CASP1: variants seen among roughly 807,000 people sequenced by gnomAD.
CASP1 encodes the protein caspase 1.
A neutral mutation model predicts 41.2 loss-of-function variants in CASP1; 31 were observed. The ratio of observed to expected loss-of-function variants is 0.75; its 90% CI spans 0.57 to 1.02. The LOEUF (loss-of-function observed/expected upper bound fraction) is 1.02. Ranked by LOEUF, CASP1 falls within the 50% of genes least tolerant of loss-of-function variation. The probability of loss-of-function intolerance (pLI) is 0.00; values close to 1 mark genes in which losing one functional copy is unlikely to be tolerated. For synonymous variants in CASP1, 163 were observed against 166.5 expected (o/e 0.98, Z 0.16); for missense variants, 490 against 495.7 (o/e 0.99, Z 0.11).
intron 2 of CASP1, chr11:105,033,943 A>G (rs1863856194): frequency 2.7e-6 from 2 of 749,474 alleles, no homozygotes; most frequent in Non-Finnish European, 2.4e-6. Context: ...GAAGCTTTTC[A>G]GATGGTTCTC....
intron 3 of CASP1, among the ~76,000 whole-genome samples, chr11:105,031,574 A>G (rs1207918697): frequency 2.6e-5 from 4 of 152,218 alleles, no homozygotes; most frequent in Non-Finnish European, 5.9e-5. Context: ...TATGCCTGAT[A>G]AAACACTCAG....
intron 3 of CASP1, among the ~76,000 whole-genome samples, chr11:105,032,399 AT>A (rs1251374620): frequency 6.6e-6 from 1 of 152,190 alleles, no homozygotes; most frequent in Non-Finnish European, 1.5e-5. Flanking sequence ...GCTGTGAAAC[AT>A]TTAAGAAAAT....
chr11:105,034,846 T>G, intron 1 of CASP1: 2 of 611,410 alleles, frequency 3.3e-6, no homozygotes, highest in South Asian at 4.2e-5. Context: ...CTGTCAGACT[T>G]TCAACATGTA....
At chr11:105,031,978 G>A (rs1227892370) in intron 3 of CASP1, among the ~76,000 whole-genome samples, 6 of 152,098 alleles carry the variant, frequency 3.9e-5, no homozygotes, top group Admixed American at 3.9e-4. Context: ...AAATCCTTGA[G>A]CCTTTTATTT....
Position 105,029,776 on chromosome 11 carries a change from G to T in CASP1, c.751C>A (p.Gln251Lys). 2 of 1,613,496 alleles carry T rather than the reference G, an allele frequency of 1.2e-6. No individual in the cohort carries two copies. The highest frequency in any genetic ancestry group is 8.5e-7 in the Non-Finnish European group (1 of 1,179,542). The change falls in exon 6 of 9, where the codon CAA becomes AAA. Residue 251 changes from glutamine (Q) to lysine (K), a missense_variant. By Grantham distance (53) the Gln-to-Lys change is moderately conservative. Transcript: ENST00000533400. ...EGICGKKHSE[Q>K]VPDILQLNAI... ...TTGAGTTGTAGTATATCTGGGACTT[G>T]CTCAGAGTGTTTCTTCCCACAAATG... is the stretch of plus-strand genomic sequence containing the variant.
intron 7 of CASP1, among the ~76,000 whole-genome samples, chr11:105,028,799 C>T (rs1347164410): frequency 5.3e-5 from 8 of 152,066 alleles, no homozygotes; most frequent in African/African-American, 1.9e-4. Flanking sequence ...GATGTCTGGG[C>T]AAATTGGACT....
intron 1 of CASP1, 179 bp from the exon 2 acceptor site, chr11:105,034,653 A>C: frequency 9.3e-7 from 1 of 1,075,170 alleles, no homozygotes; most frequent in Non-Finnish European, 1.3e-6. Flanking sequence ...GTCTCCATAC[A>C]TGTGCATGGA....
At chr11:105,029,015 G>A in intron 7 of CASP1, 109 bp downstream of exon 7, 1 of 1,011,726 alleles carries the variant, frequency 9.9e-7, no homozygotes, top group Admixed American at 2.4e-5. Context: ...GTATAACTTG[G>A]AACAAAGCTT....
intron 4 of CASP1, chr11:105,030,723 ATAGG>A (rs373150588): frequency 1.3e-5 from 6 of 476,274 alleles, no homozygotes; most frequent in African/African-American, 8.0e-5. Flanking sequence ...GTTGTTCTTG[ATAGG>A]TAGGATTTTG....
At chr11:105,027,101 A>T in intron 7 of CASP1, 150 bp from the exon 8 acceptor site, 2 of 681,296 alleles carry the variant, frequency 2.9e-6, no homozygotes, top group Admixed American at 4.4e-5. Context: ...GAGGGGAGTG[A>T]TTGGGATTTG....
chr11:105,034,342 T>A lies in CASP1; in HGVS notation c.140A>T (p.Asn47Ile), dbSNP rs150883720. The A allele has an allele frequency of 2.5e-6, 4 of 1,614,018 alleles. No individual in the cohort carries two copies. Among genetic ancestry groups the A allele is most frequent in the Non-Finnish European group, 3.4e-6 (4 of 1,179,986 alleles). The change falls in exon 2 of 9, where the codon AAT becomes ATT. Residue 47 changes from asparagine to isoleucine, a missense_variant. Physicochemically the swap from Asn to Ile is moderately radical, Grantham distance 149 (BLOSUM62 -3). Coordinates refer to ENST00000533400, the MANE Select transcript of CASP1 (RefSeq NM_001257118.3). ...KEEMEKVKRE[N>I]ATVMDKTRAL... Reference sequence around the variant, plus strand: ...TCGGGTCTTATCCATAACTGTAGCATTTTCACGTTTTACTTTCTCCATCTC... The same window carrying A: ...TCGGGTCTTATCCATAACTGTAGCAATTTCACGTTTTACTTTCTCCATCTC...
At position 105,031,228 on chromosome 11, in the gene CASP1, T is replaced by C; in HGVS notation, c.390A>G (p.Glu130=). ...NPAMPTSSGS[E]GNVKLCSLEE... ...CTAGGGAGCAAAGCTTGACATTCCCTTCTGAGCCTGAGGATGTGGGCATAG... is the reference window on the plus strand; with the variant it reads ...CTAGGGAGCAAAGCTTGACATTCCCCTCTGAGCCTGAGGATGTGGGCATAG... Residue 130 remains glutamate (E), a synonymous_variant, in exon 4 of 9, where the codon GAA becomes GAG. Transcript: ENST00000533400. The C allele has an allele frequency of 6.2e-7, 1 of 1,613,054 alleles. No homozygotes were observed. The highest frequency in any genetic ancestry group is 8.5e-7 in the Non-Finnish European group (1 of 1,179,280).
rs986091193 is a variant in CASP1, at chr11:105,031,019, A to T, written c.453+146T>A. On this transcript the variant is annotated intron_variant, in intron 4 of 8. Coordinates refer to ENST00000533400, the MANE Select transcript of CASP1 (RefSeq NM_001257118.3). ...TTCTATAAACCTGGGATTCTAGGAT[A>T]TAGAAATCCTTTATGTAAGGGGAGC... 36 of 600,010 alleles carry T rather than the reference A, an allele frequency of 6.0e-5. No homozygotes were observed. The Admixed American group carries it at 1.0e-3, about 17-fold the overall frequency. The allele number at this position is 600,010 out of a possible 1,614,324, so 37.2% of individuals were successfully genotyped here.
chr11:105,027,917 A>G (rs1863421733), intron 7 of CASP1, among the ~76,000 whole-genome samples: 1 of 152,128 alleles, frequency 6.6e-6, no homozygotes, highest in Non-Finnish European at 1.5e-5. Flanking sequence ...ACTGAATTGG[A>G]GTTTCTGACA....
Position 105,034,224 on chromosome 11 carries a change from C to T in CASP1, c.258G>A (p.Thr86=), listed in dbSNP as rs775058244. 9 of 1,613,954 alleles carry T rather than the reference C, an allele frequency of 5.6e-6. No individual in the cohort carries two copies. The South Asian group carries it at 6.6e-5, about 12-fold the overall frequency. The change falls in exon 2 of 9, where the codon ACG becomes ACA. Residue 86 remains threonine, a synonymous_variant. Coordinates refer to ENST00000533400, the MANE Select transcript of CASP1 (RefSeq NM_001257118.3). ...GACCCTTACCTGCTGAGAGTCCCAG[C>T]GTCCCTGCCAGGTAACTGTCTTCTT... The part of the protein sequence containing the change: ...ICEEDSYLAG[T]LGLSADQTSG...
chr11:105,029,180 G>A lies in CASP1; in HGVS notation c.950C>T (p.Ala317Val). 1.2e-6 allele frequency: 2 copies of A among 1,613,256 alleles called. No individual in the cohort carries two copies. Among genetic ancestry groups the A allele is most frequent in the Non-Finnish European group, 1.7e-6 (2 of 1,179,466 alleles). The part of the protein sequence containing the change: ...LPTTEEFEDD[A>V]IKKAHIEKDF... The stretch of plus-strand genomic sequence containing the variant: ...CTTCTCTATGTGGGCTTTCTTAATA[G>A]CATCATCCTCAAACTCTTCTGTAGT... The change falls in exon 7 of 9, where the codon GCT (alanine) becomes GTT (valine). Residue 317 changes from alanine to valine, a missense_variant. Ala to Val is a moderately conservative substitution (Grantham distance 64). Coordinates refer to ENST00000533400, the MANE Select transcript of CASP1 (RefSeq NM_001257118.3).
chr11:105,026,989 C>T (rs1172973421), intron 7 of CASP1, 38 bp from the exon 8 acceptor site: 1 of 1,159,814 alleles, frequency 8.6e-7, no homozygotes. Context: ...AAGACTGGCT[C>T]TTGCCTGAAG....
intron 2 of CASP1, 100 bp from the exon 3 acceptor site, chr11:105,033,226 A>G: frequency 1.6e-6 from 1 of 610,954 alleles, no homozygotes; most frequent in Non-Finnish European, 2.9e-6. Flanking sequence ...CTCCCATAAC[A>G]CTGACTGACT....
chr11:105,034,139 T>A, intron 2 of CASP1, 69 bp downstream of exon 2: 1 of 1,612,066 alleles, frequency 6.2e-7, no homozygotes. Context: ...ACATGACTAG[T>A]AAAGAAATCA....
Sources: allele counts gnomAD v4.1 joint callset (sites outside exome capture counted in the v4.1 genomes callset), GRCh38; gene constraint gnomAD v4.1.1; transcripts MANE v1.5; gene names NCBI Gene and HGNC (gene_info 2026-07-23, HGNC 2026-07-21).